CCDC102B: variants seen among roughly 807,000 people sequenced by gnomAD.
CCDC102B encodes coiled-coil domain containing 102B, also known as coiled-coil domain-containing protein 102B.
CCDC102B carries 75 observed loss-of-function variants against 57.4 expected under a neutral mutation model. That is an observed-to-expected ratio of 1.31 (90% confidence interval 1.08 to 1.58). CCDC102B has a LOEUF of 1.58. Ranked by LOEUF, CCDC102B falls within the 40% of genes most tolerant of loss-of-function variation. CCDC102B has a pLI of 0.00. For missense variants in CCDC102B, 636 were observed against 582.6 expected, an observed-to-expected ratio of 1.09 and a Z score of -0.94; for synonymous variants, 206 against 201.9, an observed-to-expected ratio of 1.02 and a Z score of -0.17.
At chr18:69,018,601 T>A (rs11875860) in intron 7 of CCDC102B, among the ~76,000 whole-genome samples, 11,387 of 152,172 alleles carry the variant, frequency 0.075, 809 homozygotes, top group East Asian at 0.2. Flanking sequence ...ATTCTGCCCA[T>A]TTTTTAACCA....
intron 4 of CCDC102B, among the ~76,000 whole-genome samples, chr18:68,863,305 A>C (rs536651371): frequency 5.1e-4 from 78 of 151,878 alleles, no homozygotes; most frequent in African/African-American, 1.8e-3. Context: ...ATTGTTTGCT[A>C]TTTTACTCTA....
chr18:68,721,935 G>A (rs1158131688), intron 2 of CCDC102B, among the ~76,000 whole-genome samples: 1 of 152,228 alleles, frequency 6.6e-6, no homozygotes, highest in Admixed American at 6.5e-5. Context: ...AACTTTTGGT[G>A]AGCCAGCTAA....
chr18:68,905,063 T>C (rs1262874215), intron 6 of CCDC102B, among the ~76,000 whole-genome samples: 1 of 151,662 alleles, frequency 6.6e-6, no homozygotes, highest in Non-Finnish European at 1.5e-5. Context: ...CTTATACTTT[T>C]ATTCTATCAG....
chr18:68,820,909 C>T (rs765634522), intron 1 of CCDC102B, among the ~76,000 whole-genome samples: 3 of 152,142 alleles, frequency 2.0e-5, no homozygotes, highest in Non-Finnish European at 4.4e-5. Context: ...TACCAGTGCT[C>T]AGAGATTACA....
intron 6 of CCDC102B, among the ~76,000 whole-genome samples, chr18:68,997,946 ATTAC>A (rs546198497): frequency 7.2e-4 from 109 of 152,072 alleles, no homozygotes; most frequent in African/African-American, 2.6e-3. Context: ...ACATTGAATC[ATTAC>A]TTCTTAGGAT....
chr18:68,847,885 A>C (rs1373074893), intron 4 of CCDC102B, among the ~76,000 whole-genome samples: 1 of 151,824 alleles, frequency 6.6e-6, no homozygotes, highest in Non-Finnish European at 1.5e-5. Flanking sequence ...AAATATAAAG[A>C]TGAAACATTG....
At chr18:68,870,700 G>A (rs2039206442) in intron 4 of CCDC102B, among the ~76,000 whole-genome samples, 1 of 152,110 alleles carries the variant, frequency 6.6e-6, no homozygotes, top group African/African-American at 2.4e-5. Context: ...TGAAAGTTAT[G>A]GGAGAAATGG....
At chr18:68,936,913 T>C (rs1263017275) in intron 6 of CCDC102B, among the ~76,000 whole-genome samples, 1 of 151,740 alleles carries the variant, frequency 6.6e-6, no homozygotes, top group Non-Finnish European at 1.5e-5. Context: ...CAATTACTAT[T>C]ATTGACAGTT....
At chr18:68,915,781 A>T (rs2041050398) in intron 6 of CCDC102B, among the ~76,000 whole-genome samples, 1 of 152,174 alleles carries the variant, frequency 6.6e-6, no homozygotes, top group African/African-American at 2.4e-5. Context: ...TTAGCATGTA[A>T]CCCATTTTAA....
Position 68,835,460 on chromosome 18 carries a change from C to G in CCDC102B, c.-15-1289C>G, listed in dbSNP as rs1599538473. 2.0e-5 allele frequency among the ~76,000 whole-genome samples: 3 copies of G among 152,276 alleles called. No homozygotes were observed. The South Asian group carries it at 6.2e-4, about 32-fold the overall frequency. Reference sequence around the variant, plus strand: ...AATTATGTATCTTTAAAACTTAACTCTGCTTCTCTCACCCACCAGACTGTA... The same window carrying G: ...AATTATGTATCTTTAAAACTTAACTGTGCTTCTCTCACCCACCAGACTGTA... On this transcript the variant is annotated intron_variant, in intron 1 of 7. Coordinates refer to ENST00000360242, the MANE Select transcript of CCDC102B (RefSeq NM_024781.3).
intron 2 of CCDC102B, among the ~76,000 whole-genome samples, chr18:68,785,080 T>C (rs1006033694): frequency 5.3e-5 from 8 of 151,244 alleles, no homozygotes; most frequent in African/African-American, 1.7e-4. Context: ...ATGCGGTGTT[T>C]GGTTTTTTGT....
chr18:68,727,426 C>A (rs1433369114), intron 2 of CCDC102B, among the ~76,000 whole-genome samples: 1 of 152,160 alleles, frequency 6.6e-6, no homozygotes, highest in Non-Finnish European at 1.5e-5. Context: ...TCCTGAACTA[C>A]CTCTTATGTC....
intron 6 of CCDC102B, among the ~76,000 whole-genome samples, chr18:68,947,730 T>C (rs1282027925): frequency 2.0e-5 from 3 of 152,098 alleles, no homozygotes; most frequent in African/African-American, 7.2e-5. Context: ...TTTTTCAGCT[T>C]TTTAAAATTA....
intron 6 of CCDC102B, among the ~76,000 whole-genome samples, chr18:68,970,011 T>G (rs997345800): frequency 6.6e-6 from 1 of 152,076 alleles, no homozygotes; most frequent in African/African-American, 2.4e-5. Flanking sequence ...AAATCTTACC[T>G]CATGTAAATC....
intron 6 of CCDC102B, among the ~76,000 whole-genome samples, chr18:68,955,630 G>GT (rs953163309): frequency 4.4e-4 from 67 of 150,808 alleles, no homozygotes; most frequent in Middle Eastern, 3.4e-3. Context: ...TTCCTTTTTT[G>GT]TTTTTTTGCT....
chr18:69,009,728 A>T (rs915958292), intron 6 of CCDC102B, among the ~76,000 whole-genome samples: 1 of 151,538 alleles, frequency 6.6e-6, no homozygotes, highest in Admixed American at 6.6e-5. Flanking sequence ...AAATAATTCC[A>T]CTTTCAATTT....
chr18:68,963,383 C>T, intron 6 of CCDC102B, among the ~76,000 whole-genome samples: 1 of 151,962 alleles, frequency 6.6e-6, no homozygotes, highest in African/African-American at 2.4e-5. Context: ...TGGAGTGTAA[C>T]AGGGAATTCA....
At chr18:68,997,272 A>G (rs1381994640) in intron 6 of CCDC102B, among the ~76,000 whole-genome samples, 1 of 152,190 alleles carries the variant, frequency 6.6e-6, no homozygotes, top group East Asian at 1.9e-4. Context: ...TTTATAGTAG[A>G]TACATTTTTT....
chr18:68,945,078 GTC>G (rs1282814149), intron 6 of CCDC102B, among the ~76,000 whole-genome samples: 1 of 53,306 alleles, frequency 1.9e-5, no homozygotes, highest in Non-Finnish European at 4.2e-5. Flanking sequence ...GTGTGTGTGT[GTC>G]TCTCTCTCTG....
Sources: gnomAD v4.1 joint callset for allele counts (sites outside exome capture counted in the v4.1 genomes callset) on GRCh38, gnomAD v4.1.1 for gene constraint, MANE v1.5 for transcripts, NCBI Gene and HGNC (gene_info 2026-07-23, HGNC 2026-07-21) for gene names.